Variants in ZNF66 observed in about 807,000 individuals in gnomAD.
ZNF66 encodes the protein putative zinc finger protein 66.
In ZNF66, 32 loss-of-function variants were observed where a neutral mutation model predicts 35.2. The observed-to-expected ratio is 0.91, with a 90% CI of 0.69 to 1.22. ZNF66 has a LOEUF of 1.22. Ranked by LOEUF, ZNF66 falls within the 50% of genes most tolerant of loss-of-function variation. The pLI, the probability that ZNF66 is intolerant of heterozygous loss-of-function variation, is 0.00. For missense variants in ZNF66, 666 were observed against 543.1 expected, an observed-to-expected ratio of 1.23 and a Z score of -2.25; for synonymous variants, 231 against 181.3, an observed-to-expected ratio of 1.27 and a Z score of -2.20.
intron 1 of ZNF66, among the ~76,000 whole-genome samples, chr19:20,788,237 T>C (rs529569421): frequency 6.6e-6 from 1 of 152,294 alleles, no homozygotes; most frequent in East Asian, 1.9e-4. Flanking sequence ...GCAGTCATGG[T>C]TCCTACAGTC....
intron 1 of ZNF66, 74 bp from the exon 2 acceptor site, chr19:20,792,438 C>G: frequency 7.6e-7 from 1 of 1,308,688 alleles, no homozygotes; most frequent in Non-Finnish European, 1.1e-6. Flanking sequence ...TTTACTCTCT[C>G]ATTTCACCTT....
intron 1 of ZNF66, among the ~76,000 whole-genome samples, chr19:20,784,329 ATTTATATCTAATAG>A (rs1271900922): frequency 6.6e-6 from 1 of 152,208 alleles, no homozygotes; most frequent in Non-Finnish European, 1.5e-5. Context: ...ATACTTAGAT[ATTTATATCTAATAG>A]CCAGAGAAAA....
At position 20,808,662 on chromosome 19, in the gene ZNF66, A is replaced by AT. The variant is rs1402552725; in HGVS notation, c.*1340_*1341insT. 1.3e-5 allele frequency among the ~76,000 whole-genome samples: 2 copies of AT among 152,128 alleles called. No individual in the cohort carries two copies. The highest frequency in any genetic ancestry group is 4.8e-5 in the African/African-American group (2 of 41,430). The stretch of plus-strand genomic sequence containing the variant: ...TGTCTGTTAGAAGGAAAACTAACAA[A>AT]CAGAAAGGACATCCACACCAAAAAC... On this transcript the variant is annotated 3_prime_UTR_variant, in exon 4 of 4. Coordinates refer to ENST00000344519, the MANE Select transcript of ZNF66 (RefSeq NM_001355197.2).
chr19:20,777,352 G>C (rs749228926), intron 1 of ZNF66, among the ~76,000 whole-genome samples: 2 of 151,416 alleles, frequency 1.3e-5, no homozygotes, highest in African/African-American at 4.8e-5. Flanking sequence ...GAAATTTCCT[G>C]GTTATGTAAT....
Position 20,808,746 on chromosome 19 carries a change from A to G in ZNF66, c.*1424A>G, listed in dbSNP as rs1218930180. 6.6e-6 allele frequency among the ~76,000 whole-genome samples: 1 copy of G among 152,024 alleles called. No individual in the cohort carries two copies. Among genetic ancestry groups the G allele is most frequent in the Non-Finnish European group, 1.5e-5 (1 of 68,008 alleles). On this transcript the variant is annotated 3_prime_UTR_variant, in exon 4 of 4. Transcript: ENST00000344519. ...GTAGATAAAACCACAAAGATGGGGA[A>G]AAAACAGAGCAGAAAAACTGGAAAG...
At chr19:20,805,107 TTGTGTGTGTG>T (rs59765897) in intron 3 of ZNF66, among the ~76,000 whole-genome samples, 1 of 147,930 alleles carries the variant, frequency 6.8e-6, no homozygotes, top group East Asian at 2.0e-4. Context: ...CAATTTACAT[TTGTGTGTGTG>T]TGTGTGTGTG....
intron 1 of ZNF66, among the ~76,000 whole-genome samples, chr19:20,780,193 G>A (rs1310573817): frequency 6.6e-6 from 1 of 152,160 alleles, no homozygotes; most frequent in Non-Finnish European, 1.5e-5. Flanking sequence ...TGTGTGATAG[G>A]TAAGAAAAGA....
chr19:20,807,917 T>C lies in ZNF66; in HGVS notation c.*595T>C, dbSNP rs1375628069. 1.3e-5 allele frequency among the ~76,000 whole-genome samples: 2 copies of C among 152,020 alleles called. No individual in the cohort carries two copies. The highest frequency in any genetic ancestry group is 2.9e-5 in the Non-Finnish European group (2 of 67,968). On this transcript the variant is annotated 3_prime_UTR_variant, in exon 4 of 4. Coordinates refer to ENST00000344519, the MANE Select transcript of ZNF66 (RefSeq NM_001355197.2). ...AGCTGAAGCAGGGCGAGGCATTGCCTCACTCACGAAGCGCAAGGAGTCAGG... is the reference window on the plus strand; with the variant it reads ...AGCTGAAGCAGGGCGAGGCATTGCCCCACTCACGAAGCGCAAGGAGTCAGG...
rs1269017826 is a variant in ZNF66 at position 20,783,347 on chromosome 19, C to G, written c.3+6897C>G. Among the ~76,000 whole-genome samples the G allele has an allele frequency of 6.6e-5, 10 of 152,282 alleles. No homozygotes were observed. The East Asian group carries it at 1.9e-3, about 29-fold the overall frequency. On this transcript the variant is annotated intron_variant, in intron 1 of 3. Coordinates refer to ENST00000344519, the MANE Select transcript of ZNF66 (RefSeq NM_001355197.2). ...AAGTTCCAAAACAAATTTTGCTATTCTGTCTGTTCTTAAGGGATTTAGATT... is the reference window on the plus strand; with the variant it reads ...AAGTTCCAAAACAAATTTTGCTATTGTGTCTGTTCTTAAGGGATTTAGATT...
chr19:20,788,130 T>G (rs1488170653), intron 1 of ZNF66, among the ~76,000 whole-genome samples: 4 of 152,192 alleles, frequency 2.6e-5, no homozygotes, highest in Non-Finnish European at 5.9e-5. Flanking sequence ...GTTTCTCCAG[T>G]TTCCTGTTAC....
chr19:20,807,996 G>A lies in ZNF66; in HGVS notation c.*674G>A, dbSNP rs574614631. On this transcript the variant is annotated 3_prime_UTR_variant, in exon 4 of 4. Coordinates refer to ENST00000344519, the MANE Select transcript of ZNF66 (RefSeq NM_001355197.2). ...GTGACAGATGGCACCTGGAAAATTG[G>A]GTTACTCCCACCCTAATACTGCGCA... Among the ~76,000 whole-genome samples, 4 of 152,202 alleles carry A rather than the reference G, an allele frequency of 2.6e-5. No homozygotes were observed. The highest frequency in any genetic ancestry group is 1.3e-4 in the Admixed American group (2 of 15,278).
intron 1 of ZNF66, among the ~76,000 whole-genome samples, chr19:20,792,162 T>C (rs1267360580): frequency 1.3e-5 from 2 of 151,206 alleles, no homozygotes; most frequent in African/African-American, 4.9e-5. Context: ...TTCAGCTTAT[T>C]GTACATATTA....
rs143837131 is a variant in ZNF66 at position 20,797,671 on chromosome 19, C to A, written c.226+3793C>A. ...CTCTTCCTCGAGGGCTCAAGTGATTCTTCTGCCTTGACCTCCTGAGTAGCT... is the reference window on the plus strand; with the variant it reads ...CTCTTCCTCGAGGGCTCAAGTGATTATTCTGCCTTGACCTCCTGAGTAGCT... On this transcript the variant is annotated intron_variant, in intron 3 of 3. Coordinates refer to ENST00000344519, the MANE Select transcript of ZNF66 (RefSeq NM_001355197.2). 1.2e-3 allele frequency among the ~76,000 whole-genome samples: 187 copies of A among 151,474 alleles called. 1 individual carries two copies. The highest frequency in any genetic ancestry group is 1.6e-3 in the Non-Finnish European group (110 of 67,940).
Position 20,807,929 on chromosome 19 carries a change from CG to C in ZNF66, c.*608del, listed in dbSNP as rs1971540631. Reference sequence around the variant, plus strand: ...GCGAGGCATTGCCTCACTCACGAAGCGCAAGGAGTCAGGGAGTTCCCTTTCC... The same window carrying C: ...GCGAGGCATTGCCTCACTCACGAAGCCAAGGAGTCAGGGAGTTCCCTTTCC... On this transcript the variant is annotated 3_prime_UTR_variant, in exon 4 of 4. Coordinates refer to ENST00000344519, the MANE Select transcript of ZNF66 (RefSeq NM_001355197.2). Among the ~76,000 whole-genome samples the C allele has an allele frequency of 6.6e-6, 1 of 152,174 alleles. No homozygotes were observed. Among genetic ancestry groups the C allele is most frequent in the African/African-American group, 2.4e-5 (1 of 41,444 alleles).
chr19:20,807,111 C>T lies in ZNF66; in HGVS notation c.1511C>T (p.Thr504Ile). ...SILTTHKRIH[T>I]ADKPYKCEEC... ...CTTACTACACATAAGAGAATTCATA[C>T]TGCAGATAAACCCTACAAATGTGAA... The change falls in exon 4 of 4, where the codon ACT (threonine) becomes ATT (isoleucine). Residue 504 changes from threonine (T) to isoleucine (I), a missense_variant. Thr to Ile is a moderately conservative substitution (Grantham distance 89). Transcript: ENST00000344519. 1.3e-6 allele frequency: 1 copy of T among 794,832 alleles called. No individual in the cohort carries two copies. The highest frequency in any genetic ancestry group is 2.5e-5 in the East Asian group (1 of 40,784). The allele number at this position is 794,832 out of a possible 1,614,324, so 49.2% of individuals were successfully genotyped here.
intron 3 of ZNF66, among the ~76,000 whole-genome samples, chr19:20,801,014 C>T (rs1174105912): frequency 6.6e-6 from 1 of 151,862 alleles, no homozygotes; most frequent in Non-Finnish European, 1.5e-5. Context: ...GTTATATACA[C>T]ATATACATAT....
At chr19:20,780,354 A>G (rs1200525443) in intron 1 of ZNF66, among the ~76,000 whole-genome samples, 1 of 152,062 alleles carries the variant, frequency 6.6e-6, no homozygotes, top group South Asian at 2.1e-4. Flanking sequence ...TGTTCTATGC[A>G]TTTCTCCCAT....
intron 1 of ZNF66, among the ~76,000 whole-genome samples, chr19:20,781,637 T>C (rs774254120): frequency 1.3e-5 from 2 of 151,806 alleles, no homozygotes; most frequent in Non-Finnish European, 2.9e-5. Context: ...GCCTCATGAG[T>C]AGCTGGGATT....
intron 1 of ZNF66, among the ~76,000 whole-genome samples, chr19:20,786,792 C>G (rs1971290999): frequency 6.6e-6 from 1 of 152,196 alleles, no homozygotes; most frequent in Non-Finnish European, 1.5e-5. Flanking sequence ...GATGGAGTTT[C>G]AATCTTGTTG....
Sources: gnomAD v4.1 joint callset for allele counts (sites outside exome capture counted in the v4.1 genomes callset) on GRCh38, gnomAD v4.1.1 for gene constraint, MANE v1.5 for transcripts, NCBI Gene and HGNC (gene_info 2026-07-23, HGNC 2026-07-21) for gene names.